Variants in CSTL1 observed in about 807,000 individuals in gnomAD.
CSTL1 encodes the protein cystatin-like 1.
CSTL1 carries 14 observed loss-of-function variants against 14.4 expected under a neutral mutation model. The ratio of observed to expected loss-of-function variants is 0.97; its 90% CI spans 0.64 to 1.52. The LOEUF is 1.52. Among genes scored for constraint, CSTL1 ranks in the 40% most tolerant of loss-of-function variants. CSTL1 has a pLI of 0.00. For synonymous variants in CSTL1, 72 were observed against 67.5 expected (o/e 1.07, Z -0.33); for missense variants, 170 against 168.7 (o/e 1.01, Z -0.04).
downstream of CSTL1, among the ~76,000 whole-genome samples, chr20:23,447,457 TTTTC>T (rs1986990320): frequency 6.9e-6 from 1 of 144,240 alleles, no homozygotes; most frequent in South Asian, 2.1e-4. Flanking sequence ...ACTTCTTTTC[TTTTC>T]TTTTTCTTTT....
downstream of CSTL1, among the ~76,000 whole-genome samples, chr20:23,447,467 C>CTTTTTTTT (rs34114094): frequency 7.3e-6 from 1 of 136,808 alleles, no homozygotes; most frequent in Non-Finnish European, 1.6e-5. Flanking sequence ...TTTTCTTTTT[C>CTTTTTTTT]TTTTTTTTTT....
Position 23,440,382 on chromosome 20 carries a change from A to G in CSTL1, c.115A>G (p.Lys39Glu). ...CTTCCAGCAGAAGCTCATGAGCAAG[A>G]AGAACATGAATTCAACACTCAACTT... ...EGFQQKLMSK[K>E]NMNSTLNFFI... Residue 39 changes from lysine (K) to glutamate (E), a missense_variant, in exon 2 of 4, where the codon AAG becomes GAG. Coordinates refer to ENST00000347397, the MANE Select transcript of CSTL1 (RefSeq NM_138283.1). 1 of 1,614,198 alleles carries G rather than the reference A, an allele frequency of 6.2e-7. No individual in the cohort carries two copies. The highest frequency in any genetic ancestry group is 8.5e-7 in the Non-Finnish European group (1 of 1,180,002).
chr20:23,450,522 C>T, the CSTL1 span: 1 of 1,611,790 alleles, frequency 6.2e-7, no homozygotes. Flanking sequence ...ACTGCTGCAG[C>T]TTTTGTTCAA....
At chr20:23,447,280 T>C (rs769358268), downstream of CSTL1, among the ~76,000 whole-genome samples, 2 of 152,220 alleles carry the variant, frequency 1.3e-5, no homozygotes, top group African/African-American at 4.8e-5. Context: ...CGTGTGGTCG[T>C]GTGTAGTTAT....
the CSTL1 span, among the ~76,000 whole-genome samples, chr20:23,454,221 C>T: frequency 6.6e-6 from 1 of 151,520 alleles, no homozygotes; most frequent in Non-Finnish European, 1.5e-5. Context: ...AGACACACAA[C>T]ACACACCTAC....
intron 1 of CSTL1, 116 bp from the exon 2 acceptor site, chr20:23,440,028 A>C: frequency 3.7e-6 from 2 of 535,386 alleles, no homozygotes; most frequent in Non-Finnish European, 6.7e-6. Context: ...CAGGTGTTTA[A>C]AAATTTTGCT....
downstream of CSTL1, among the ~76,000 whole-genome samples, chr20:23,449,749 C>G (rs935967649): frequency 1.3e-5 from 2 of 152,176 alleles, no homozygotes; most frequent in Non-Finnish European, 2.9e-5. Context: ...AGGACTTCCT[C>G]TCCTGCTGGG....
the CSTL1 span, chr20:23,458,566 T>G: frequency 2.0e-5 from 3 of 152,128 alleles, no homozygotes; most frequent in Admixed American, 1.3e-4. Flanking sequence ...CTGGCCAAAT[T>G]GAACGAATGC....
At chr20:23,454,358 C>T in the CSTL1 span, among the ~76,000 whole-genome samples, 4 of 151,812 alleles carry the variant, frequency 2.6e-5, no homozygotes, top group Non-Finnish European at 5.9e-5. Context: ...CCTACATGTA[C>T]ACACCCACAC....
At chr20:23,452,750 G>A in the CSTL1 span, 23 of 1,614,004 alleles carry the variant, frequency 1.4e-5, no homozygotes, top group Non-Finnish European at 1.9e-5. Context: ...GTAGGGGAGG[G>A]CCATCAGAGT....
the CSTL1 span, among the ~76,000 whole-genome samples, chr20:23,451,313 C>T: frequency 6.6e-6 from 1 of 152,170 alleles, no homozygotes; most frequent in Admixed American, 6.5e-5. Context: ...CCCAGCAGAG[C>T]ACACGCATGC....
the CSTL1 span, chr20:23,450,509 G>A: frequency 1.5e-5 from 24 of 1,609,944 alleles, no homozygotes; most frequent in African/African-American, 2.7e-4. Flanking sequence ...AGGACACCTA[G>A]TCACTGCTGC....
At chr20:23,449,832 A>C (rs1483344331), downstream of CSTL1, among the ~76,000 whole-genome samples, 1 of 152,186 alleles carries the variant, frequency 6.6e-6, no homozygotes, top group Non-Finnish European at 1.5e-5. Context: ...CACGGGGGGC[A>C]CATATGTCCC....
At chr20:23,452,057 T>C in the CSTL1 span, 1 of 593,100 alleles carries the variant, frequency 1.7e-6, no homozygotes, top group Non-Finnish European at 3.0e-6. Context: ...TCCTCTCTCC[T>C]CTATTTGACT....
chr20:23,447,692 C>T (rs8119387), downstream of CSTL1, among the ~76,000 whole-genome samples: 2,983 of 152,122 alleles, frequency 0.02, 68 homozygotes, highest in South Asian at 0.082. Flanking sequence ...AACACCTGAC[C>T]TCAGGCGATC....
downstream of CSTL1, chr20:23,445,043 C>G (rs535107480): frequency 1.5e-6 from 1 of 646,408 alleles, no homozygotes; most frequent in Non-Finnish European, 2.8e-6. Context: ...ACACAATGCT[C>G]ATACTCACGA....
the CSTL1 span, chr20:23,452,023 C>G: frequency 1.3e-6 from 1 of 793,922 alleles, no homozygotes; most frequent in Non-Finnish European, 2.2e-6. Context: ...GGGCAAGGAG[C>G]TGGTCCTAGG....
intron 2 of CSTL1, chr20:23,440,726 G>C: frequency 3.3e-6 from 2 of 599,156 alleles, no homozygotes; most frequent in Non-Finnish European, 6.1e-6. Flanking sequence ...AATACACTTA[G>C]AGGCAAAAGT....
At chr20:23,443,021 A>G (rs1801445549) in intron 2 of CSTL1, among the ~76,000 whole-genome samples, 1 of 150,252 alleles carries the variant, frequency 6.7e-6, no homozygotes, top group Non-Finnish European at 1.5e-5. Flanking sequence ...ACACTTGATC[A>G]CAAGTGAAAG....
Sources: gnomAD v4.1 joint callset for allele counts (sites outside exome capture counted in the v4.1 genomes callset) on GRCh38, gnomAD v4.1.1 for gene constraint, MANE v1.5 for transcripts, NCBI Gene and HGNC (gene_info 2026-07-23, HGNC 2026-07-21) for gene names.